UPB1: variants seen among roughly 807,000 people sequenced by gnomAD.
The protein encoded by UPB1 is beta-ureidopropionase.
A neutral mutation model predicts 49.1 loss-of-function variants in UPB1; 40 were observed. The observed-to-expected ratio is 0.81, with a 90% CI of 0.63 to 1.06. The LOEUF (loss-of-function observed/expected upper bound fraction) is 1.06. Ranked by LOEUF, UPB1 falls within the 50% of genes least tolerant of loss-of-function variation. The pLI, the probability that UPB1 is intolerant of heterozygous loss-of-function variation, is 0.00. For missense variants in UPB1, 499 were observed against 505.9 expected (o/e 0.99, Z 0.13); for synonymous variants, 207 against 198.2 (o/e 1.04, Z -0.38).
intron 3 of UPB1, among the ~76,000 whole-genome samples, chr22:24,509,360 T>TGG (rs1568986744): frequency 2.6e-5 from 2 of 77,006 alleles, no homozygotes; most frequent in African/African-American, 1.2e-4. Flanking sequence ...ACCTACTGTT[T>TGG]GAAAAAAAAA....
At chr22:24,522,422 G>T (rs2044410795) in intron 8 of UPB1, among the ~76,000 whole-genome samples, 1 of 152,158 alleles carries the variant, frequency 6.6e-6, no homozygotes, top group Non-Finnish European at 1.5e-5. Context: ...GATGCCACAG[G>T]GCATTGGCAT....
chr22:24,509,361 GAAAAAAAAAAAAAAAAA>G (rs202081655), intron 3 of UPB1, among the ~76,000 whole-genome samples: 1,830 of 92,162 alleles, frequency 0.02, 45 homozygotes, highest in African/African-American at 0.079. Flanking sequence ...CCTACTGTTT[GAAAAAAAAAAAAAAAAA>G]AAAAAAAAAA....
intron 1 of UPB1, among the ~76,000 whole-genome samples, chr22:24,499,553 T>C (rs2043952578): frequency 6.6e-6 from 1 of 152,166 alleles, no homozygotes; most frequent in Non-Finnish European, 1.5e-5. Flanking sequence ...ACACCAGATG[T>C]AGAACTGGCC....
intron 9 of UPB1, among the ~76,000 whole-genome samples, chr22:24,524,161 T>C (rs1222058491): frequency 6.6e-6 from 1 of 152,218 alleles, no homozygotes; most frequent in African/African-American, 2.4e-5. Flanking sequence ...GTCCCTGCAG[T>C]CTAGGCCTTG....
intron 8 of UPB1, among the ~76,000 whole-genome samples, chr22:24,522,964 AAAAT>A (rs1301739861): frequency 1.3e-5 from 2 of 151,352 alleles, no homozygotes; most frequent in Non-Finnish European, 3.0e-5. Context: ...AAAAAAAAAA[AAAAT>A]GCCAGAAGGG....
intron 7 of UPB1, 149 bp from the exon 8 acceptor site, chr22:24,521,837 T>G: frequency 1.3e-6 from 1 of 799,636 alleles, no homozygotes. Context: ...AATTGCCCGG[T>G]GAGTACAGAC....
chr22:24,498,900 C>T (rs2043938636), intron 1 of UPB1, among the ~76,000 whole-genome samples: 1 of 152,168 alleles, frequency 6.6e-6, no homozygotes, highest in South Asian at 2.1e-4. Context: ...CTGCCCACAC[C>T]CATATCCTGG....
chr22:24,513,546 T>A (rs530894871), intron 5 of UPB1, 61 bp downstream of exon 5: 2 of 1,574,394 alleles, frequency 1.3e-6, no homozygotes, highest in African/African-American at 1.4e-5. Context: ...ATGTTGTAGA[T>A]CTCTGTGGGA....
At position 24,502,448 on chromosome 22, in the gene UPB1, C is replaced by G. The variant is rs75151869; in HGVS notation, c.364+235C>G. 4,207 of 781,718 alleles carry G rather than the reference C, an allele frequency of 5.4e-3. 35 individuals carry two copies. Among genetic ancestry groups the G allele is most frequent in the Non-Finnish European group, 5.7e-3 (2,391 of 418,828 alleles). 48.4% of individuals were successfully genotyped at this position (781,718 alleles called of 1,614,324 possible). A position where few individuals can be genotyped will look rare whatever the true frequency, so the allele number is the denominator to read the frequency against. On this transcript the variant is annotated intron_variant, in intron 3 of 9. Coordinates refer to ENST00000326010, the MANE Select transcript of UPB1 (RefSeq NM_016327.3). ...TCTGAATCCATTCGCTCCTCTCCATCTCTCTACCACCACCTGGTCCAAGCC... is the reference window on the plus strand; with the variant it reads ...TCTGAATCCATTCGCTCCTCTCCATGTCTCTACCACCACCTGGTCCAAGCC...
intron 3 of UPB1, among the ~76,000 whole-genome samples, chr22:24,508,611 C>T (rs2044135539): frequency 6.6e-6 from 1 of 150,582 alleles, no homozygotes; most frequent in Non-Finnish European, 1.5e-5. Flanking sequence ...GGTGTGGTAG[C>T]TCATGTCTGT....
chr22:24,513,626 C>T (rs2044245287), intron 5 of UPB1, 141 bp downstream of exon 5: 21 of 1,217,134 alleles, frequency 1.7e-5, no homozygotes, highest in Non-Finnish European at 2.3e-5. Flanking sequence ...CACAGTGTGG[C>T]TGCAGTGCTC....
At position 24,515,370 on chromosome 22, in the gene UPB1, G is replaced by A. The variant is rs149812800; in HGVS notation, c.791G>A (p.Ser264Asn). 38 of 1,613,960 alleles carry A rather than the reference G, an allele frequency of 2.4e-5. No homozygotes were observed. Among genetic ancestry groups the A allele is most frequent in the Non-Finnish European group, 3.1e-5 (37 of 1,179,984 alleles). ...FNPSATIGAL[S>N]ESLWPIEARN... is the part of the protein sequence containing the mutation. ...CCCTCGGCCACGATAGGAGCACTCA[G>A]GTCACTCAGTTGGTGGGGTCTGGGG... Residue 264 changes from serine to asparagine, a missense_variant and splice_region_variant, in exon 6 of 10, where the codon AGC becomes AAC. By Grantham distance (46) the Ser-to-Asn change is conservative. Transcript: ENST00000326010.
chr22:24,504,257 T>C (rs2044045026), intron 3 of UPB1, among the ~76,000 whole-genome samples: 1 of 152,246 alleles, frequency 6.6e-6, no homozygotes, highest in Non-Finnish European at 1.5e-5. Context: ...ACATCAGAGG[T>C]AAACTTTTTG....
chr22:24,500,920 G>A (rs774469776), intron 2 of UPB1, among the ~76,000 whole-genome samples: 11 of 152,180 alleles, frequency 7.2e-5, no homozygotes, highest in South Asian at 2.1e-4. Flanking sequence ...AGGATACGGC[G>A]TGTTTGAGGA....
chr22:24,505,051 C>G (rs1423653824), intron 3 of UPB1, among the ~76,000 whole-genome samples: 1 of 151,942 alleles, frequency 6.6e-6, no homozygotes, highest in Non-Finnish European at 1.5e-5. Flanking sequence ...ACCACTTTGT[C>G]TTTTTGCTCA....
At chr22:24,515,701 C>G (rs373181742) in intron 6 of UPB1, among the ~76,000 whole-genome samples, 2 of 152,226 alleles carry the variant, frequency 1.3e-5, no homozygotes, top group Non-Finnish European at 2.9e-5. Flanking sequence ...TTGGGCTGAG[C>G]TCGGTGGCTC....
intron 6 of UPB1, among the ~76,000 whole-genome samples, chr22:24,517,283 G>A (rs2044313857): frequency 1.3e-5 from 2 of 152,202 alleles, no homozygotes; most frequent in Admixed American, 1.3e-4. Flanking sequence ...TCCCCTCAGA[G>A]AACATACTGG....
At chr22:24,523,583 A>G (rs374387277) in intron 8 of UPB1, 36 bp from the exon 9 acceptor site, 15 of 1,613,856 alleles carry the variant, frequency 9.3e-6, no homozygotes, top group Non-Finnish European at 1.2e-5. Flanking sequence ...GTGCATCTAC[A>G]CAAGCTCACA....
At chr22:24,506,402 GC>G (rs1465103446) in intron 3 of UPB1, among the ~76,000 whole-genome samples, 1 of 152,184 alleles carries the variant, frequency 6.6e-6, no homozygotes, top group African/African-American at 2.4e-5. Flanking sequence ...GGTACCTGGT[GC>G]CCCTGGGTCC....
Sources: gnomAD v4.1 joint callset for allele counts (sites outside exome capture counted in the v4.1 genomes callset) on GRCh38, gnomAD v4.1.1 for gene constraint, MANE v1.5 for transcripts, NCBI Gene and HGNC (gene_info 2026-07-23, HGNC 2026-07-21) for gene names.